RAB11A: variants seen among roughly 807,000 people sequenced by gnomAD.
The protein encoded by RAB11A is RAB11A, member RAS oncogene family.
In RAB11A, 9 loss-of-function variants were observed where a neutral mutation model predicts 28.0. That is an observed-to-expected ratio of 0.32 (90% CI 0.19 to 0.56). The LOEUF is 0.56. Among genes scored for constraint, RAB11A ranks in the 20% least tolerant of loss-of-function variants. The pLI, the probability that RAB11A is intolerant of heterozygous loss-of-function variation, is 0.91. For synonymous variants in RAB11A, 85 were observed against 88.2 expected, an observed-to-expected ratio of 0.96 and a Z score of 0.20; for missense variants, 108 against 269.6, an observed-to-expected ratio of 0.40 and a Z score of 4.20.
chr15:65,871,919 GTTTTTT>G (rs960414631), intron 1 of RAB11A, among the ~76,000 whole-genome samples: 60 of 72,052 alleles, frequency 8.3e-4, no homozygotes, highest in Middle Eastern at 0.019. Context: ...GGTTTTGTCA[GTTTTTT>G]TTTTTTTTTT....
chr15:65,870,717 T>G (rs547459076), intron 1 of RAB11A, among the ~76,000 whole-genome samples: 2 of 152,232 alleles, frequency 1.3e-5, no homozygotes, highest in Admixed American at 1.3e-4. Flanking sequence ...CCCAAAAGGT[T>G]GGGGGTGGGA....
rs533460365 is a variant in RAB11A at position 65,878,312 on chromosome 15, A to G, written c.430+357A>G. Among the ~76,000 whole-genome samples the G allele has an allele frequency of 3.3e-5, 5 of 152,330 alleles. No homozygotes were observed. In the East Asian group the frequency reaches 9.6e-4, roughly 29 times the overall value. ...TTAGGAGCTGTAACTTTTTGGCTTC[A>G]TAAAGAATTCACGTGTCTCTTGCCC... On this transcript the variant is annotated intron_variant, in intron 3 of 4. Coordinates refer to ENST00000261890, the MANE Select transcript of RAB11A (RefSeq NM_004663.5).
At chr15:65,884,476 A>G (rs1384992228) in intron 4 of RAB11A, among the ~76,000 whole-genome samples, 7 of 152,236 alleles carry the variant, frequency 4.6e-5, no homozygotes, top group Non-Finnish European at 8.8e-5. Context: ...TAAAAAACAA[A>G]TATATGTAAA....
intron 4 of RAB11A, among the ~76,000 whole-genome samples, chr15:65,880,218 A>G (rs2078214357): frequency 6.6e-6 from 1 of 152,250 alleles, no homozygotes; most frequent in South Asian, 2.1e-4. Flanking sequence ...TCTATATTGT[A>G]TCATGGGAGA....
intron 3 of RAB11A, among the ~76,000 whole-genome samples, chr15:65,878,779 A>G (rs1057038198): frequency 6.6e-6 from 1 of 152,232 alleles, no homozygotes; most frequent in Non-Finnish European, 1.5e-5. Flanking sequence ...TAAATTTCCC[A>G]TGCAAGAATA....
intron 1 of RAB11A, among the ~76,000 whole-genome samples, chr15:65,873,028 T>C (rs2078172264): frequency 6.6e-6 from 1 of 152,184 alleles, no homozygotes; most frequent in East Asian, 1.9e-4. Flanking sequence ...TAATAGGGGA[T>C]GGAGTGGTCT....
rs765196458 is a variant in RAB11A at position 65,891,950 on chromosome 15, C to T, written c.*4110C>T. 6.6e-6 allele frequency: 1 copy of T among 152,024 alleles called. No homozygotes were observed. Among genetic ancestry groups the T allele is most frequent in the Non-Finnish European group, 1.5e-5 (1 of 68,002 alleles). 9.4% of individuals were successfully genotyped at this position (152,024 alleles called of 1,614,324 possible). A position where few individuals can be genotyped will look rare whatever the true frequency, so the allele number is the denominator to read the frequency against. ...AAAAACTGCTGGCTTTTAATATGTACTTTAAAATATACTCATGTCTGGGAG... is the reference window on the plus strand; with the variant it reads ...AAAAACTGCTGGCTTTTAATATGTATTTTAAAATATACTCATGTCTGGGAG... On this transcript the variant is annotated 3_prime_UTR_variant, in exon 5 of 5. Coordinates refer to ENST00000261890, the MANE Select transcript of RAB11A (RefSeq NM_004663.5).
intron 4 of RAB11A, among the ~76,000 whole-genome samples, chr15:65,882,926 T>C (rs2078231676): frequency 6.6e-6 from 1 of 152,224 alleles, no homozygotes; most frequent in Non-Finnish European, 1.5e-5. Context: ...TTTGCAAATA[T>C]CCTTCACCCA....
At chr15:65,878,896 A>G (rs1395059674) in intron 3 of RAB11A, among the ~76,000 whole-genome samples, 3 of 152,126 alleles carry the variant, frequency 2.0e-5, no homozygotes, top group Non-Finnish European at 2.9e-5. Flanking sequence ...ATACATTTTT[A>G]CCACATTTTA....
chr15:65,871,545 G>A (rs2078160690), intron 1 of RAB11A, among the ~76,000 whole-genome samples: 1 of 152,168 alleles, frequency 6.6e-6, no homozygotes, highest in Non-Finnish European at 1.5e-5. Flanking sequence ...GACCGTCAGG[G>A]TATTTCTCCT....
Position 65,869,582 on chromosome 15 carries a change from C to T in RAB11A, c.-4C>T. The T allele has an allele frequency of 6.2e-7, 1 of 1,611,012 alleles. No homozygotes were observed. On this transcript the variant is annotated 5_prime_UTR_variant, in exon 1 of 5. Coordinates refer to ENST00000261890, the MANE Select transcript of RAB11A (RefSeq NM_004663.5). ...CTCCCGCCCTTTCGCTCCTCGGCCG[C>T]GCAATGGGCACCCGCGACGACGAGT...
At chr15:65,872,885 A>G (rs1033782199) in intron 1 of RAB11A, among the ~76,000 whole-genome samples, 3 of 152,216 alleles carry the variant, frequency 2.0e-5, no homozygotes, top group Admixed American at 1.3e-4. Context: ...AAATGGCTTT[A>G]TTGTACAGAG....
In RAB11A at chr15:65,877,860, A is replaced by T. The variant is rs772613563; in HGVS notation, c.335A>T (p.His112Leu). ...CGATGGCTGAAAGAACTGAGAGATCATGCTGATAGTAACATTGTTATCATG... is the reference window on the plus strand; with the variant it reads ...CGATGGCTGAAAGAACTGAGAGATCTTGCTGATAGTAACATTGTTATCATG... ...VERWLKELRD[H>L]ADSNIVIMLV... is the part of the protein sequence containing the mutation. Residue 112 changes from histidine to leucine, a missense_variant, in exon 3 of 5, where the codon CAT becomes CTT. By Grantham distance (99) the His-to-Leu change is moderately conservative. Around this residue, in one of 2 missense-constraint regions of RAB11A, gnomAD observed 85 missense variants for 145.9 expected, o/e 0.58. Transcript: ENST00000261890. The surrounding 1 kb of genome is among the most constrained non-coding windows in gnomAD (Gnocchi z 4.1). The T allele has an allele frequency of 6.2e-7, 1 of 1,612,728 alleles. No homozygotes were observed. The highest frequency in any genetic ancestry group is 8.5e-7 in the Non-Finnish European group (1 of 1,178,660).
intron 4 of RAB11A, among the ~76,000 whole-genome samples, chr15:65,885,722 T>A (rs1229283956): frequency 6.6e-6 from 1 of 152,222 alleles, no homozygotes; most frequent in African/African-American, 2.4e-5. Context: ...TAGAAACCTC[T>A]GAAAGTTTGC....
intron 1 of RAB11A, among the ~76,000 whole-genome samples, chr15:65,874,538 G>T (rs1377263821): frequency 6.6e-6 from 1 of 152,014 alleles, no homozygotes; most frequent in Non-Finnish European, 1.5e-5. Flanking sequence ...ACCACGCCCG[G>T]CCTAGTTGAG....
At chr15:65,881,955 G>A (rs2141106467) in intron 4 of RAB11A, among the ~76,000 whole-genome samples, 1 of 151,906 alleles carries the variant, frequency 6.6e-6, no homozygotes, top group East Asian at 1.9e-4. Flanking sequence ...CCCAGCTGAG[G>A]TGGGAGGATT....
intron 1 of RAB11A, among the ~76,000 whole-genome samples, chr15:65,874,469 G>C (rs1257492738): frequency 6.6e-6 from 1 of 152,058 alleles, no homozygotes; most frequent in South Asian, 2.1e-4. Flanking sequence ...TCAAACTCCC[G>C]ACCTCAGGTG....
intron 4 of RAB11A, among the ~76,000 whole-genome samples, chr15:65,881,375 C>T (rs901787593): frequency 6.6e-6 from 1 of 152,154 alleles, no homozygotes; most frequent in East Asian, 1.9e-4. Flanking sequence ...TTCTACTCCC[C>T]GTTTAACTAA....
chr15:65,878,763 GT>G (rs1257699623), intron 3 of RAB11A, among the ~76,000 whole-genome samples: 1 of 152,198 alleles, frequency 6.6e-6, no homozygotes, highest in Non-Finnish European at 1.5e-5. Flanking sequence ...TTCTGTAACA[GT>G]TTTTTAAATT....
Sources: allele counts gnomAD v4.1 joint callset (sites outside exome capture counted in the v4.1 genomes callset), GRCh38; gene constraint gnomAD v4.1.1; regional missense constraint gnomAD v4.1.1; non-coding constraint Gnocchi (gnomAD v3.1); transcripts MANE v1.5; gene names NCBI Gene and HGNC (gene_info 2026-07-23, HGNC 2026-07-21).